NLE1: variants seen among roughly 807,000 people sequenced by gnomAD.
NLE1 encodes notchless homolog 1.
Under a neutral mutation model 62.8 loss-of-function variants are expected in NLE1, and 37 were observed. The observed-to-expected ratio is 0.59, with a 90% CI of 0.45 to 0.78. The LOEUF (loss-of-function observed/expected upper bound fraction) is 0.78, where lower values mean the gene tolerates loss of function less well. Among genes scored for constraint, NLE1 ranks in the 30% least tolerant of loss-of-function variants. NLE1 has a pLI of 0.00. For missense variants in NLE1, 555 were observed against 637.9 expected (o/e 0.87, Z 1.40); for synonymous variants, 243 against 253.0 (o/e 0.96, Z 0.37).
intron 2 of NLE1, among the ~76,000 whole-genome samples, chr17:35,141,490 G>A (rs1000896574): frequency 6.8e-6 from 1 of 147,208 alleles, no homozygotes; most frequent in African/African-American, 2.6e-5. Flanking sequence ...AGATTGCAGT[G>A]AGCAGAGATC....
intron 10 of NLE1, chr17:35,134,914 C>G (rs117637917): frequency 1.5e-5 from 6 of 400,024 alleles, no homozygotes; most frequent in African/African-American, 1.0e-4. Context: ...TAGCCAGGCA[C>G]GGTGGCGGAG....
chr17:35,134,692 G>A (rs967606231), intron 10 of NLE1, among the ~76,000 whole-genome samples: 21 of 151,700 alleles, frequency 1.4e-4, no homozygotes, highest in Admixed American at 1.3e-3. Context: ...GAGCCACCAC[G>A]CCCAGCCTGA....
rs1235363860 is a variant in NLE1, at chr17:35,132,457, G to T, written c.1446-8C>A. 7.1e-7 allele frequency: 1 copy of T among 1,398,858 alleles called. No homozygotes were observed. The highest frequency in any genetic ancestry group is 9.3e-7 in the Non-Finnish European group (1 of 1,070,728). The allele number at this position is 1,398,858 out of a possible 1,614,324, so 86.7% of individuals were successfully genotyped here. A position where few individuals can be genotyped will look rare whatever the true frequency, so the allele number is the denominator to read the frequency against. On this transcript the variant is annotated splice_region_variant and splice_polypyrimidine_tract_variant and intron_variant, in intron 12 of 12. Coordinates refer to ENST00000442241, the MANE Select transcript of NLE1 (RefSeq NM_018096.5). ...CCGTCTCATCTCCTCCATCTGTGGA[G>T]AAGGGAAGGGTGTCAGGATGGGGAT...
At chr17:35,134,807 T>A in intron 10 of NLE1, 1 of 349,618 alleles carries the variant, frequency 2.9e-6, no homozygotes, top group East Asian at 7.8e-5. Flanking sequence ...ATCCCAGCAC[T>A]TTGGGAGGCC....
Position 35,129,354 on chromosome 17 carries a change from TGGGA to T in NLE1, c.*3079_*3082del. The T allele has an allele frequency of 1.3e-6, 2 of 1,566,670 alleles. No homozygotes were observed. The highest frequency in any genetic ancestry group is 1.7e-6 in the Non-Finnish European group (2 of 1,152,490). Reference sequence around the variant, plus strand: ...GGGCATGGGACGTCCTGACCCCAGTTGGGAGGGTGAAGGGACAGGAAGGACAGGA... The same window carrying T: ...GGGCATGGGACGTCCTGACCCCAGTTGGGTGAAGGGACAGGAAGGACAGGA... On this transcript the variant is annotated 3_prime_UTR_variant, in exon 13 of 13. Transcript: ENST00000442241.
In NLE1 at chr17:35,133,471, C is replaced by T; in HGVS notation, c.1242G>A (p.Val414=). 1 of 1,613,430 alleles carries T rather than the reference C, an allele frequency of 6.2e-7. No homozygotes were observed. Among genetic ancestry groups the T allele is most frequent in the South Asian group, 1.1e-5 (1 of 91,022 alleles). The part of the protein sequence containing the change: ...GKYLASLRGH[V]AAVYQIAWSA... ...ACCACGCAATCTGGTACACGGCAGC[C>T]ACGTGGCCGCGTAGGGAAGCCAGGT... The change falls in exon 11 of 13, where the codon GTG becomes GTA. Residue 414 remains valine, a synonymous_variant. Coordinates refer to ENST00000442241, the MANE Select transcript of NLE1 (RefSeq NM_018096.5).
rs2091932607 is a variant in NLE1 at position 35,139,948 on chromosome 17, G to C, written c.281C>G (p.Pro94Arg). ...TEKVLDIIYQ[P>R]QAIFRVRAVT... ...AGCCCGGACTCTGAAGATAGCCTGT[G>C]GCTGGTAGATGATGTCTAGGACCTT... is the stretch of plus-strand genomic sequence containing the variant. Residue 94 changes from proline (P) to arginine (R), a missense_variant, in exon 3 of 13, where the codon CCA becomes CGA. Pro to Arg is a moderately radical substitution (Grantham distance 103). Coordinates refer to ENST00000442241, the MANE Select transcript of NLE1 (RefSeq NM_018096.5). 1 of 1,614,192 alleles carries C rather than the reference G, an allele frequency of 6.2e-7. No homozygotes were observed. Among genetic ancestry groups the C allele is most frequent in the Non-Finnish European group, 8.5e-7 (1 of 1,180,048 alleles).
In NLE1 at chr17:35,137,410, G is replaced by A. The variant is rs915285297; in HGVS notation, c.635+133C>T. The stretch of plus-strand genomic sequence containing the variant: ...GGTCTGCCCGAGACCCTTCTCCCAT[G>A]CCTGCCAAGCCATCACGGTCATTCA... On this transcript the variant is annotated intron_variant, in intron 6 of 12. Coordinates refer to ENST00000442241, the MANE Select transcript of NLE1 (RefSeq NM_018096.5). 2.6e-4 allele frequency: 218 copies of A among 844,100 alleles called. No homozygotes were observed. The highest frequency in any genetic ancestry group is 7.1e-4 in the Middle Eastern group (2 of 2,822). The allele number at this position is 844,100 out of a possible 1,614,324, so 52.3% of individuals were successfully genotyped here.
At position 35,129,435 on chromosome 17, in the gene NLE1, A is replaced by T; in HGVS notation, c.*3002T>A. On this transcript the variant is annotated 3_prime_UTR_variant, in exon 13 of 13. Coordinates refer to ENST00000442241, the MANE Select transcript of NLE1 (RefSeq NM_018096.5). The stretch of plus-strand genomic sequence containing the variant: ...CTCTTCCCCTAGATTTCCTGGACCT[A>T]CGCCTTGGGCAAGCAGCCGGTCAGT... 2 of 1,613,974 alleles carry T rather than the reference A, an allele frequency of 1.2e-6. No homozygotes were observed. Among genetic ancestry groups the T allele is most frequent in the Non-Finnish European group, 1.7e-6 (2 of 1,179,820 alleles).
rs963936628 is a variant in NLE1 at position 35,131,683 on chromosome 17, T to C, written c.*754A>G. 3 of 152,374 alleles carry C rather than the reference T, an allele frequency of 2.0e-5. No individual in the cohort carries two copies. The highest frequency in any genetic ancestry group is 7.2e-5 in the African/African-American group (3 of 41,466). 9.4% of individuals were successfully genotyped at this position (152,374 alleles called of 1,614,324 possible). On this transcript the variant is annotated 3_prime_UTR_variant, in exon 13 of 13. Coordinates refer to ENST00000442241, the MANE Select transcript of NLE1 (RefSeq NM_018096.5). Reference sequence around the variant, plus strand: ...TGGTGCCTGGCAGGGCCTCAAGCAGTGTGCTATGCGAAGGCAGAGGCATCC... The same window carrying C: ...TGGTGCCTGGCAGGGCCTCAAGCAGCGTGCTATGCGAAGGCAGAGGCATCC...
intron 2 of NLE1, among the ~76,000 whole-genome samples, chr17:35,141,308 G>C (rs542598310): frequency 6.6e-6 from 1 of 152,294 alleles, no homozygotes; most frequent in African/African-American, 2.4e-5. Flanking sequence ...CAGCACTTTG[G>C]AGGCCAAGGC....
Position 35,129,104 on chromosome 17 carries a change from C to A in NLE1, c.*3333G>T, listed in dbSNP as rs573981815. Reference sequence around the variant, plus strand: ...CGCTTGCTCGCCCACCAATCTCCTCCTGCTGTGCTATCCAGTTCCTAACAG... The same window carrying A: ...CGCTTGCTCGCCCACCAATCTCCTCATGCTGTGCTATCCAGTTCCTAACAG... On this transcript the variant is annotated 3_prime_UTR_variant, in exon 13 of 13. Coordinates refer to ENST00000442241, the MANE Select transcript of NLE1 (RefSeq NM_018096.5). 3 of 263,662 alleles carry A rather than the reference C, an allele frequency of 1.1e-5. No individual in the cohort carries two copies. Among genetic ancestry groups the A allele is most frequent in the Non-Finnish European group, 2.2e-5 (3 of 135,678 alleles). 16.3% of individuals were successfully genotyped at this position (263,662 alleles called of 1,614,324 possible). A position where few individuals can be genotyped will look rare whatever the true frequency, so the allele number is the denominator to read the frequency against.
Position 35,132,698 on chromosome 17 carries a change from CACA to C in NLE1, c.1446-252_1446-250del, listed in dbSNP as rs367629374. Among the ~76,000 whole-genome samples the C allele has an allele frequency of 5.3e-4, 80 of 152,292 alleles. 1 individual carries two copies. The East Asian group carries it at 0.015, about 28-fold the overall frequency. On this transcript the variant is annotated intron_variant, in intron 12 of 12. Transcript: ENST00000442241. ...AAACAGTCACAATCCCTTATAAGCA[CACA>C]ACACTTTGTCTTCCAGAGTGTTGAC...
At position 35,140,084 on chromosome 17, in the gene NLE1, A is replaced by G; in HGVS notation, c.163-18T>C. The G allele has an allele frequency of 6.2e-7, 1 of 1,610,632 alleles. No homozygotes were observed. The highest frequency in any genetic ancestry group is 8.5e-7 in the Non-Finnish European group (1 of 1,178,744). On this transcript the variant is annotated intron_variant, in intron 2 of 12. Transcript: ENST00000442241. ...GGATCCTCCTGAAGGACAATGGTAA[A>G]GGACAAACCCGCAACAATGGATGTG...
rs1389831462 is a variant in NLE1, at chr17:35,142,264, T to G, written c.12A>C (p.Ala4=). ...CCCATCCACGCACACCCACCGGCAC[T>G]GCTGCCGCCATCCTGCGTCCCCACG... MAA[A]VPDEAVARDV... Residue 4 remains alanine (A), a synonymous_variant, in exon 1 of 13, where the codon GCA becomes GCC. Coordinates refer to ENST00000442241, the MANE Select transcript of NLE1 (RefSeq NM_018096.5). The G allele has an allele frequency of 1.3e-6, 2 of 1,543,702 alleles. No individual in the cohort carries two copies. The highest frequency in any genetic ancestry group is 2.0e-4 in the Middle Eastern group (1 of 5,010).
chr17:35,129,725 G>A lies in NLE1; in HGVS notation c.*2712C>T. On this transcript the variant is annotated 3_prime_UTR_variant, in exon 13 of 13. Transcript: ENST00000442241. ...TCCAAAGCCAGGGAACCAGGGCTTT[G>A]GAGGTTGGGAACACCCCTATGCCCA... is the stretch of plus-strand genomic sequence containing the variant. The A allele has an allele frequency of 6.4e-7, 1 of 1,561,628 alleles. No homozygotes were observed. Among genetic ancestry groups the A allele is most frequent in the South Asian group, 1.2e-5 (1 of 85,204 alleles).
intron 3 of NLE1, 135 bp from the exon 4 acceptor site, chr17:35,139,449 C>T: frequency 1.4e-6 from 1 of 702,022 alleles, no homozygotes; most frequent in Non-Finnish European, 2.4e-6. Context: ...CTGATGCTGT[C>T]CTCTGGGAGA....
chr17:35,135,454 A>AG lies in NLE1; in HGVS notation c.1012-4dup, dbSNP rs1324777869. ...ACCAGCCTCTCTGGACCCTGGCCCTAGGGGAGGCAGAAAGCACACTGTGTT... is the reference window on the plus strand; with the variant it reads ...ACCAGCCTCTCTGGACCCTGGCCCTAGGGGGAGGCAGAAAGCACACTGTGTT... On this transcript the variant is annotated splice_polypyrimidine_tract_variant and splice_region_variant and intron_variant, in intron 9 of 12. Coordinates refer to ENST00000442241, the MANE Select transcript of NLE1 (RefSeq NM_018096.5). 4 of 1,613,886 alleles carry AG rather than the reference A, an allele frequency of 2.5e-6. No homozygotes were observed. The highest frequency in any genetic ancestry group is 2.5e-6 in the Non-Finnish European group (3 of 1,179,870).
At position 35,130,699 on chromosome 17, in the gene NLE1, G is replaced by A; in HGVS notation, c.*1738C>T. ...CTCCTCCAAATCTGGGCTGGGTCTA[G>A]GTCCCTCATTAAAGAACTGCAGGTC... On this transcript the variant is annotated 3_prime_UTR_variant, in exon 13 of 13. Transcript: ENST00000442241. 1 of 455,030 alleles carries A rather than the reference G, an allele frequency of 2.2e-6. No homozygotes were observed. The highest frequency in any genetic ancestry group is 4.0e-6 in the Non-Finnish European group (1 of 253,052). 28.2% of individuals were successfully genotyped at this position (455,030 alleles called of 1,614,324 possible). A position where few individuals can be genotyped will look rare whatever the true frequency, so the allele number is the denominator to read the frequency against.
Sources: allele counts gnomAD v4.1 joint callset (sites outside exome capture counted in the v4.1 genomes callset), GRCh38; gene constraint gnomAD v4.1.1; transcripts MANE v1.5; gene names NCBI Gene and HGNC (gene_info 2026-07-23, HGNC 2026-07-21).